Variants in TANC1 observed in about 807,000 individuals in gnomAD.
TANC1 encodes the protein protein TANC1.
In TANC1, 77 loss-of-function variants were observed where a neutral mutation model predicts 149.7. The ratio of observed to expected loss-of-function variants is 0.51; its 90% CI spans 0.43 to 0.62. The LOEUF (loss-of-function observed/expected upper bound fraction) is 0.62. TANC1 is among the 20% of genes least tolerant of loss of function. The pLI is 0.00. For missense variants in TANC1, 1,985 were observed against 2,321.8 expected, an observed-to-expected ratio of 0.85 and a Z score of 2.98; for synonymous variants, 854 against 925.0, an observed-to-expected ratio of 0.92 and a Z score of 1.39.
intron 19 of TANC1, among the ~76,000 whole-genome samples, chr2:159,204,456 G>C (rs769949489): frequency 6.6e-6 from 1 of 152,328 alleles, no homozygotes; most frequent in East Asian, 1.9e-4. Context: ...ACAGCTAATA[G>C]CCAAGCATGG....
intron 4 of TANC1, among the ~76,000 whole-genome samples, chr2:159,113,390 T>C (rs1324348502): frequency 6.6e-6 from 1 of 152,222 alleles, no homozygotes; most frequent in Admixed American, 6.5e-5. Flanking sequence ...TCTTAGTGGC[T>C]CTGTTTCCTT....
At chr2:159,170,478 A>T (rs1005711008) in intron 9 of TANC1, 46 bp from the exon 10 acceptor site, 3 of 1,522,358 alleles carry the variant, frequency 2.0e-6, no homozygotes, top group Non-Finnish European at 1.8e-6. Flanking sequence ...TTCTTAGTTT[A>T]TAAAATTATG....
Position 159,179,170 on chromosome 2 carries a change from CA to C in TANC1, c.2510+8del. 1 of 1,599,448 alleles carries C rather than the reference CA, an allele frequency of 6.3e-7. No homozygotes were observed. The highest frequency in any genetic ancestry group is 8.5e-7 in the Non-Finnish European group (1 of 1,171,798). ...CCTTCCTGTGTGAGCCCAGGTACGG[CA>C]GGCGCTTTCTTTCAGCTCTTTGCAG... On this transcript the variant is annotated splice_region_variant and intron_variant, in intron 14 of 26. Coordinates refer to ENST00000263635, the MANE Select transcript of TANC1 (RefSeq NM_033394.3).
chr2:159,083,320 G>C (rs2044480564), intron 3 of TANC1, among the ~76,000 whole-genome samples: 1 of 151,346 alleles, frequency 6.6e-6, no homozygotes, highest in South Asian at 2.1e-4. Context: ...CTGGTATGCT[G>C]TTTGTTCCTG....
At chr2:159,079,195 AGTTGTT>A (rs71406144) in intron 3 of TANC1, among the ~76,000 whole-genome samples, 45 of 151,752 alleles carry the variant, frequency 3.0e-4, no homozygotes, top group Non-Finnish European at 6.0e-4. Flanking sequence ...CACTATGAGA[AGTTGTT>A]GTTGTTTTTT....
chr2:159,172,389 T>C, intron 11 of TANC1, 117 bp downstream of exon 11: 3 of 904,268 alleles, frequency 3.3e-6, no homozygotes, highest in Non-Finnish European at 5.0e-6. Context: ...TGATAAAGTA[T>C]AGCTTTTAAT....
intron 14 of TANC1, among the ~76,000 whole-genome samples, chr2:159,181,099 C>T (rs1485822204): frequency 2.6e-5 from 4 of 152,104 alleles, no homozygotes; most frequent in Non-Finnish European, 5.9e-5. Context: ...TTATTTCTGC[C>T]TCTTTCTGTA....
Position 159,178,712 on chromosome 2 carries a change from A to T in TANC1, c.2059A>T (p.Thr687Ser), listed in dbSNP as rs375871259. Residue 687 changes from threonine (T) to serine (S), a missense_variant, in exon 14 of 27, where the codon ACA becomes TCA. Physicochemically the swap from Thr to Ser is moderately conservative, Grantham distance 58 (BLOSUM62 1). Around this residue, in one of 3 missense-constraint regions of TANC1, gnomAD observed 508 missense variants for 714.2 expected, o/e 0.71. Transcript: ENST00000263635. ...CTCCCTGAATGGCAAGGCCGATGCC[A>T]CACTCATTGGAAAAGTGAGCAGCCA... ...NISLNGKADATLIGKVSSHLV... is the reference protein window; with the variant it reads ...NISLNGKADASLIGKVSSHLV... 26 of 1,614,072 alleles carry T rather than the reference A, an allele frequency of 1.6e-5. No homozygotes were observed. In the African/African-American group the frequency reaches 2.7e-4, roughly 17 times the overall value.
At position 159,009,811 on chromosome 2, in the gene TANC1, A is replaced by C. The variant is rs1015581747; in HGVS notation, c.-16+8622A>C. On this transcript the variant is annotated intron_variant, in intron 2 of 26. Coordinates refer to ENST00000263635, the MANE Select transcript of TANC1 (RefSeq NM_033394.3). ...GAGGTGTTACATGTTAATTATCCTG[A>C]TTTGATCACTATACATTGTATACAT... Among the ~76,000 whole-genome samples the C allele has an allele frequency of 5.3e-5, 8 of 152,154 alleles. No individual in the cohort carries two copies. The East Asian group carries it at 1.5e-3, about 29-fold the overall frequency.
At chr2:159,207,659 A>G (rs1442937340) in intron 19 of TANC1, among the ~76,000 whole-genome samples, 1 of 125,406 alleles carries the variant, frequency 8.0e-6, no homozygotes, top group Non-Finnish European at 1.6e-5. Flanking sequence ...AGATCGCGCC[A>G]CTGTACTCCA....
At chr2:159,051,772 A>G (rs73969425) in intron 2 of TANC1, among the ~76,000 whole-genome samples, 15,843 of 151,908 alleles carry the variant, frequency 0.1, 852 homozygotes, top group African/African-American at 0.11. Flanking sequence ...CGAGGCTTGC[A>G]CCATTCTGGG....
At chr2:159,161,460 C>T (rs1178224278) in intron 7 of TANC1, among the ~76,000 whole-genome samples, 1 of 152,150 alleles carries the variant, frequency 6.6e-6, no homozygotes, top group Non-Finnish European at 1.5e-5. Flanking sequence ...TTTGTAACAC[C>T]ACAATCTGTG....
At chr2:158,980,309 T>A (rs1440673963) in intron 1 of TANC1, among the ~76,000 whole-genome samples, 1 of 152,114 alleles carries the variant, frequency 6.6e-6, no homozygotes, top group Non-Finnish European at 1.5e-5. Context: ...GAACATTTTT[T>A]GGCCAGAGAA....
Position 159,178,708 on chromosome 2 carries a change from T to C in TANC1, c.2055T>C (p.Asp685=), listed in dbSNP as rs1473430015. ...ACATCTCCCTGAATGGCAAGGCCGA[T>C]GCCACACTCATTGGAAAAGTGAGCA... ...LSNISLNGKA[D]ATLIGKVSSH... Residue 685 remains aspartate, a synonymous_variant, in exon 14 of 27, where the codon GAT becomes GAC. Transcript: ENST00000263635. The C allele has an allele frequency of 1.9e-6, 3 of 1,614,200 alleles. No homozygotes were observed. Among genetic ancestry groups the C allele is most frequent in the Non-Finnish European group, 1.7e-6 (2 of 1,180,034 alleles).
chr2:159,172,827 C>G (rs1052007219), intron 11 of TANC1, among the ~76,000 whole-genome samples: 1 of 152,216 alleles, frequency 6.6e-6, no homozygotes, highest in African/African-American at 2.4e-5. Flanking sequence ...AGTTACATCC[C>G]TTGCTCCTAG....
At chr2:159,019,273 A>G (rs2038576717) in intron 2 of TANC1, among the ~76,000 whole-genome samples, 1 of 152,210 alleles carries the variant, frequency 6.6e-6, no homozygotes, top group Non-Finnish European at 1.5e-5. Context: ...AGCTGAAGGA[A>G]GCAGCCAGCG....
At chr2:159,148,507 A>G (rs988751338) in intron 5 of TANC1, 3 of 152,224 alleles carry the variant, frequency 2.0e-5, no homozygotes, top group African/African-American at 7.2e-5. Flanking sequence ...TGCATGGGCA[A>G]CAGTGGTACT....
At chr2:159,074,035 C>G (rs922193964) in intron 3 of TANC1, among the ~76,000 whole-genome samples, 1 of 152,166 alleles carries the variant, frequency 6.6e-6, no homozygotes, top group African/African-American at 2.4e-5. Flanking sequence ...AGCCCTAGCT[C>G]TGGATCAGCA....
At chr2:159,179,511 G>A (rs1007413189) in intron 14 of TANC1, among the ~76,000 whole-genome samples, 2 of 152,076 alleles carry the variant, frequency 1.3e-5, no homozygotes, top group East Asian at 1.9e-4. Flanking sequence ...GGGAATGTGT[G>A]AGATCAGCCC....
Sources: allele counts gnomAD v4.1 joint callset (sites outside exome capture counted in the v4.1 genomes callset), GRCh38; gene constraint gnomAD v4.1.1; regional missense constraint gnomAD v4.1.1; transcripts MANE v1.5; gene names NCBI Gene and HGNC (gene_info 2026-07-23, HGNC 2026-07-21).